ZFP37: variants seen among roughly 807,000 people sequenced by gnomAD.
ZFP37 encodes the protein zinc finger protein 37 homolog.
ZFP37 carries 38 observed loss-of-function variants against 52.1 expected under a neutral mutation model. The observed-to-expected ratio is 0.73, with a 90% CI of 0.56 to 0.96. The LOEUF (loss-of-function observed/expected upper bound fraction) is 0.96. ZFP37 is among the 40% of genes least tolerant of loss of function. The pLI is 0.00. For missense variants in ZFP37, 695 were observed against 741.4 expected, an observed-to-expected ratio of 0.94 and a Z score of 0.73; for synonymous variants, 253 against 259.5, an observed-to-expected ratio of 0.98 and a Z score of 0.24.
Position 113,052,365 on chromosome 9 carries a change from A to G in ZFP37, c.133-2493T>C, listed in dbSNP as rs1186578167. Among the ~76,000 whole-genome samples, 1 of 152,162 alleles carries G rather than the reference A, an allele frequency of 6.6e-6. No homozygotes were observed. The highest frequency in any genetic ancestry group is 1.5e-5 in the Non-Finnish European group (1 of 68,026). ...ATTTCTCATTCTTCCTTCAAAATTC[A>G]TAGCTTATTTATAGTATCACCAGGT... On this transcript the variant is annotated intron_variant, in intron 1 of 3. Coordinates refer to ENST00000374227, the MANE Select transcript of ZFP37 (RefSeq NM_003408.3). The surrounding 1 kb of genome is among the most constrained non-coding windows in gnomAD (Gnocchi z 4.1).
intron 1 of ZFP37, among the ~76,000 whole-genome samples, chr9:113,050,550 G>A (rs1829039577): frequency 6.6e-6 from 1 of 151,604 alleles, no homozygotes; most frequent in African/African-American, 2.4e-5. Context: ...AAAGGCTATT[G>A]AGCAGTATTT....
chr9:113,056,314 G>A (rs558308981), intron 1 of ZFP37, among the ~76,000 whole-genome samples: 2 of 152,056 alleles, frequency 1.3e-5, no homozygotes, highest in African/African-American at 4.8e-5. Context: ...TCCAAACTCC[G>A]ACACTCGGTG....
At chr9:113,047,051 G>C (rs754200874) in intron 3 of ZFP37, among the ~76,000 whole-genome samples, 1 of 151,364 alleles carries the variant, frequency 6.6e-6, no homozygotes, top group East Asian at 1.9e-4. Context: ...GGAGCTTGCA[G>C]TGAGCCGAGA....
rs776669806 is a variant in ZFP37 at position 113,044,193 on chromosome 9, T to C, written c.425A>G (p.Lys142Arg). The change falls in exon 4 of 4, where the codon AAG (lysine) becomes AGG (arginine). Residue 142 changes from lysine (K) to arginine (R), a missense_variant. Physicochemically the swap from Lys to Arg is conservative, Grantham distance 26 (BLOSUM62 2). Coordinates refer to ENST00000374227, the MANE Select transcript of ZFP37 (RefSeq NM_003408.3). ...QNKLLREVAV[K>R]KKTQAKKNGS... ...ATTCTTCTTAGCTTGAGTTTTCTTC[T>C]TGACTGCAACTTCCCTGAGGAGTTT... The C allele has an allele frequency of 4.4e-6, 7 of 1,604,214 alleles. No homozygotes were observed. The highest frequency in any genetic ancestry group is 5.1e-6 in the Non-Finnish European group (6 of 1,177,718).
rs757319967 is a variant in ZFP37 at position 113,044,255 on chromosome 9, A to T, written c.363T>A (p.Asp121Glu). The change falls in exon 4 of 4, where the codon GAT becomes GAA. Residue 121 changes from aspartate to glutamate, a missense_variant. Around this residue, in one of 2 missense-constraint regions of ZFP37, gnomAD observed 369 missense variants for 340.9 expected, o/e 1.08. Coordinates refer to ENST00000374227, the MANE Select transcript of ZFP37 (RefSeq NM_003408.3). Reference protein sequence around the residue: ...QKETDGKVQKDDDQLENIQKS... With the variant: ...QKETDGKVQKEDDQLENIQKS... Reference sequence around the variant, plus strand: ...TCTGGATATTTTCAAGCTGGTCATCATCTTTCTGGACTTCTAAAATGGAAT... The same window carrying T: ...TCTGGATATTTTCAAGCTGGTCATCTTCTTTCTGGACTTCTAAAATGGAAT... 7.0e-6 allele frequency: 11 copies of T among 1,561,514 alleles called. No homozygotes were observed. In the East Asian group the frequency reaches 2.5e-4, roughly 35 times the overall value.
rs1267837830 is a variant in ZFP37, at chr9:113,039,280, T to A, written c.*3445A>T. The A allele has an allele frequency of 6.6e-6, 1 of 152,112 alleles. No individual in the cohort carries two copies. Among genetic ancestry groups the A allele is most frequent in the Non-Finnish European group, 1.5e-5 (1 of 68,018 alleles). 9.4% of individuals were successfully genotyped at this position (152,112 alleles called of 1,614,324 possible). ...ACTACCAAAAGCAGTGTGTGACAGA[T>A]TGTTTTCTACCTATCACAAATGTAA... On this transcript the variant is annotated 3_prime_UTR_variant, in exon 4 of 4. Transcript: ENST00000374227.
intron 1 of ZFP37, among the ~76,000 whole-genome samples, chr9:113,053,031 T>G (rs1355943147): frequency 6.6e-6 from 1 of 152,196 alleles, no homozygotes; most frequent in African/African-American, 2.4e-5. Flanking sequence ...CCCTTGCCTC[T>G]CTTTTTCATG....
rs973646619 is a variant in ZFP37 at position 113,052,024 on chromosome 9, C to A, written c.133-2152G>T. On this transcript the variant is annotated intron_variant, in intron 1 of 3. Transcript: ENST00000374227. This position sits in a 1 kb window ranked among gnomAD's most constrained non-coding sequence, Gnocchi z 4.1. Reference sequence around the variant, plus strand: ...TCACAGGTTCCTCAACCAATGATACCCACAGGACACTGGTAATCTATCTCC... The same window carrying A: ...TCACAGGTTCCTCAACCAATGATACACACAGGACACTGGTAATCTATCTCC... Among the ~76,000 whole-genome samples, 1 of 152,176 alleles carries A rather than the reference C, an allele frequency of 6.6e-6. No homozygotes were observed. Among genetic ancestry groups the A allele is most frequent in the Non-Finnish European group, 1.5e-5 (1 of 68,036 alleles).
In ZFP37 at chr9:113,043,881, C is replaced by A. The variant is rs200142916; in HGVS notation, c.737G>T (p.Gly246Val). 1 of 1,613,868 alleles carries A rather than the reference C, an allele frequency of 6.2e-7. No individual in the cohort carries two copies. Among genetic ancestry groups the A allele is most frequent in the African/African-American group, 1.3e-5 (1 of 74,992 alleles). The change falls in exon 4 of 4, where the codon GGC becomes GTC. Residue 246 changes from glycine (G) to valine (V), a missense_variant. Gly to Val is a moderately radical substitution (Grantham distance 109). Coordinates refer to ENST00000374227, the MANE Select transcript of ZFP37 (RefSeq NM_003408.3). ...ACAGCATAATTTGTCATGTTTTTTG[C>A]CAGTTTTGTTACACTTATCAGATGA... ...HSSSDKCNKTGKKHDKLCCHS... is the reference protein window; with the variant it reads ...HSSSDKCNKTVKKHDKLCCHS...
Position 113,052,848 on chromosome 9 carries a change from G to A in ZFP37, c.133-2976C>T, listed in dbSNP as rs1486951955. On this transcript the variant is annotated intron_variant, in intron 1 of 3. Coordinates refer to ENST00000374227, the MANE Select transcript of ZFP37 (RefSeq NM_003408.3). This position sits in a 1 kb window ranked among gnomAD's most constrained non-coding sequence, Gnocchi z 4.1. ...CTTCCTGAAATCTAATTTCCCAGAT[G>A]ACAGCAAAAAGCAGACCTTGCAGCA... 6.6e-6 allele frequency among the ~76,000 whole-genome samples: 1 copy of A among 152,148 alleles called. No homozygotes were observed. Among genetic ancestry groups the A allele is most frequent in the Non-Finnish European group, 1.5e-5 (1 of 68,010 alleles).
intron 3 of ZFP37, among the ~76,000 whole-genome samples, chr9:113,045,073 A>C (rs571449337): frequency 3.3e-4 from 51 of 152,264 alleles, no homozygotes; most frequent in Admixed American, 1.0e-3. Context: ...GTATTTACTG[A>C]AGCTAGCTAA....
At chr9:113,053,726 C>T (rs1250292289) in intron 1 of ZFP37, among the ~76,000 whole-genome samples, 1 of 152,154 alleles carries the variant, frequency 6.6e-6, no homozygotes, top group African/African-American at 2.4e-5. Flanking sequence ...ATTCCAGCAA[C>T]CTGTTTCCAA....
At chr9:113,045,119 A>G (rs1372956157) in intron 3 of ZFP37, among the ~76,000 whole-genome samples, 3 of 152,200 alleles carry the variant, frequency 2.0e-5, no homozygotes, top group African/African-American at 7.2e-5. Flanking sequence ...AAAAGCCAGA[A>G]AAGAAAAATA....
intron 1 of ZFP37, among the ~76,000 whole-genome samples, chr9:113,054,834 CTT>C (rs1829113919): frequency 6.6e-6 from 1 of 152,192 alleles, no homozygotes. Flanking sequence ...ACCATAATCT[CTT>C]GTCTTTGACT....
chr9:113,044,735 G>A (rs934252025), intron 3 of ZFP37, among the ~76,000 whole-genome samples: 2 of 152,020 alleles, frequency 1.3e-5, no homozygotes, highest in Non-Finnish European at 1.5e-5. Context: ...AAACCAAGAT[G>A]TCCAACAAGA....
Position 113,043,368 on chromosome 9 carries a change from T to C in ZFP37, c.1250A>G (p.Asn417Ser), listed in dbSNP as rs1828889026. Reference protein sequence around the residue: ...CKECGKSFRYNSSLTEHVRTH... With the variant: ...CKECGKSFRYSSSLTEHVRTH... ...TCTCACATGTTCGGTAAGAGATGAG[T>C]TATACCTAAAAGACTTCCCACATTC... Residue 417 changes from asparagine to serine, a missense_variant, in exon 4 of 4, where the codon AAC (asparagine) becomes AGC (serine). Transcript: ENST00000374227. 6.2e-7 allele frequency: 1 copy of C among 1,614,120 alleles called. No individual in the cohort carries two copies. Among genetic ancestry groups the C allele is most frequent in the Non-Finnish European group, 8.5e-7 (1 of 1,179,990 alleles).
Position 113,042,885 on chromosome 9 carries a change from C to T in ZFP37, c.1733G>A (p.Cys578Tyr), listed in dbSNP as rs756811039. The T allele has an allele frequency of 1.2e-6, 2 of 1,613,914 alleles. No individual in the cohort carries two copies. Among genetic ancestry groups the T allele is most frequent in the South Asian group, 1.1e-5 (1 of 91,052 alleles). The part of the protein sequence containing the change: ...TGEKPYECNE[C>Y]EKAFNAKSQL... ...TGATTTTGCATTAAAGGCTTTTTCA[C>T]ATTCGTTACATTCATAAGGTTTCTC... The change falls in exon 4 of 4, where the codon TGT becomes TAT. Residue 578 changes from cysteine to tyrosine, a missense_variant. Cys to Tyr is a radical substitution (Grantham distance 194). Transcript: ENST00000374227.
In ZFP37 at chr9:113,049,457, T is replaced by C. The variant is rs1431303888; in HGVS notation, c.254A>G (p.Glu85Gly). The C allele has an allele frequency of 2.5e-6, 4 of 1,614,020 alleles. No individual in the cohort carries two copies. The highest frequency in any genetic ancestry group is 1.7e-5 in the Admixed American group (1 of 60,004). ...APKPDMISKL[E>G]KGEAPWLGKG... ...CCCCAACCATGGTGCTTCTCCTTTT[T>C]CCAACTTGGAGATCATGTCTGGTTT... The change falls in exon 3 of 4, where the codon GAA becomes GGA. Residue 85 changes from glutamate to glycine, a missense_variant. Coordinates refer to ENST00000374227, the MANE Select transcript of ZFP37 (RefSeq NM_003408.3).
rs542087712 is a variant in ZFP37 at position 113,056,374 on chromosome 9, C to G, written c.132+183G>C. Among the ~76,000 whole-genome samples, 35 of 152,306 alleles carry G rather than the reference C, an allele frequency of 2.3e-4. No homozygotes were observed. The South Asian group carries it at 3.7e-3, about 16-fold the overall frequency. ...TTGTCTCTGCAGATCCCTCCTAATA[C>G]TGATATCCTAAAGCCAAATCATTAA... is the stretch of plus-strand genomic sequence containing the variant. On this transcript the variant is annotated intron_variant, in intron 1 of 3. Coordinates refer to ENST00000374227, the MANE Select transcript of ZFP37 (RefSeq NM_003408.3).
Sources: allele counts gnomAD v4.1 joint callset (sites outside exome capture counted in the v4.1 genomes callset), GRCh38; gene constraint gnomAD v4.1.1; regional missense constraint gnomAD v4.1.1; non-coding constraint Gnocchi (gnomAD v3.1); transcripts MANE v1.5; gene names NCBI Gene and HGNC (gene_info 2026-07-23, HGNC 2026-07-21).